The following SLC24A4 variants were observed in gnomAD, a reference collection of about 807,000 sequenced individuals.
The protein encoded by SLC24A4 is solute carrier family 24 member 4.
In SLC24A4, 53 loss-of-function variants were observed where a neutral mutation model predicts 79.0. That is an observed-to-expected ratio of 0.67 (90% CI 0.54 to 0.84). The LOEUF is 0.84. Ranked by LOEUF, SLC24A4 falls within the 40% of genes least tolerant of loss-of-function variation. The pLI is 0.00. For missense variants in SLC24A4, 731 were observed against 822.0 expected, an observed-to-expected ratio of 0.89 and a Z score of 1.35; for synonymous variants, 323 against 323.8, an observed-to-expected ratio of 1.00 and a Z score of 0.03.
At chr14:92,362,367 C>G (rs1887582651) in intron 2 of SLC24A4, among the ~76,000 whole-genome samples, 2 of 152,190 alleles carry the variant, frequency 1.3e-5, no homozygotes, top group Admixed American at 6.5e-5. Flanking sequence ...GCTGCTCCCT[C>G]TCTCACCCCG....
chr14:92,343,083 C>T (rs989075027), intron 2 of SLC24A4, among the ~76,000 whole-genome samples: 2 of 152,220 alleles, frequency 1.3e-5, no homozygotes, highest in African/African-American at 2.4e-5. Context: ...AGCCGCCTGT[C>T]CGAGACAGCT....
At chr14:92,476,438 T>G (rs1894768205) in intron 12 of SLC24A4, among the ~76,000 whole-genome samples, 1 of 149,138 alleles carries the variant, frequency 6.7e-6, no homozygotes, top group Admixed American at 6.9e-5. Flanking sequence ...TGGCTAATTA[T>G]TATAAGCAGC....
chr14:92,493,279 C>T (rs1416121071), intron 16 of SLC24A4, among the ~76,000 whole-genome samples, 197 bp from the exon 17 acceptor site: 4 of 152,156 alleles, frequency 2.6e-5, no homozygotes, highest in Admixed American at 1.3e-4. Context: ...GACAGAGACT[C>T]GCCCTTTCAT....
At chr14:92,324,852 TAGAA>T (rs1266526584) in intron 1 of SLC24A4, among the ~76,000 whole-genome samples, 10 of 152,314 alleles carry the variant, frequency 6.6e-5, no homozygotes, top group Middle Eastern at 3.4e-3. Flanking sequence ...CTTGAGCAGT[TAGAA>T]AGGCCGTCAA....
At chr14:92,423,720 C>T (rs1298531897) in intron 2 of SLC24A4, among the ~76,000 whole-genome samples, 2 of 152,168 alleles carry the variant, frequency 1.3e-5, no homozygotes, top group Non-Finnish European at 2.9e-5. Context: ...CAAAGTCAGG[C>T]AAGGGAGCCG....
chr14:92,486,507 G>A (rs1460245085), intron 13 of SLC24A4, among the ~76,000 whole-genome samples, 159 bp from the exon 14 acceptor site: 1 of 152,090 alleles, frequency 6.6e-6, no homozygotes. Flanking sequence ...AGTTCAGTGG[G>A]GGTTTTTTTT....
chr14:92,436,599 T>C (rs533925575), intron 3 of SLC24A4, among the ~76,000 whole-genome samples: 11 of 152,338 alleles, frequency 7.2e-5, no homozygotes, highest in African/African-American at 2.4e-4. Context: ...GACCTCTCGT[T>C]TTTTCTTTTT....
At chr14:92,412,020 T>G (rs192484386) in intron 2 of SLC24A4, among the ~76,000 whole-genome samples, 3 of 152,140 alleles carry the variant, frequency 2.0e-5, no homozygotes, top group Admixed American at 1.3e-4. Flanking sequence ...CGGGGCCCGC[T>G]GTGGGCATGG....
At chr14:92,349,371 G>A (rs1291170122) in intron 2 of SLC24A4, among the ~76,000 whole-genome samples, 2 of 152,196 alleles carry the variant, frequency 1.3e-5, no homozygotes, top group African/African-American at 4.8e-5. Context: ...TGTTCACCAG[G>A]CTGGTCTCAA....
At position 92,477,614 on chromosome 14, in the gene SLC24A4, C is replaced by T. The variant is rs573129434; in HGVS notation, c.1256-5066C>T. 4.6e-5 allele frequency among the ~76,000 whole-genome samples: 7 copies of T among 152,026 alleles called. No homozygotes were observed. The South Asian group carries it at 1.5e-3, about 32-fold the overall frequency. ...AGTTGAGACTAAAAGGCCACCATGCCCAGCTAGTTTTTGTATTTTTTGTAG... is the reference window on the plus strand; with the variant it reads ...AGTTGAGACTAAAAGGCCACCATGCTCAGCTAGTTTTTGTATTTTTTGTAG... On this transcript the variant is annotated intron_variant, in intron 12 of 16. Coordinates refer to ENST00000532405, the MANE Select transcript of SLC24A4 (RefSeq NM_153646.4).
At chr14:92,463,142 G>A (rs374051063) in intron 12 of SLC24A4, among the ~76,000 whole-genome samples, 99 of 152,222 alleles carry the variant, frequency 6.5e-4, no homozygotes, top group African/African-American at 2.0e-3. Flanking sequence ...AGCAAAACCC[G>A]GAACAGGCAA....
chr14:92,412,509 G>A (rs1020286539), intron 2 of SLC24A4, among the ~76,000 whole-genome samples: 16 of 152,094 alleles, frequency 1.1e-4, no homozygotes, highest in Non-Finnish European at 1.6e-4. Flanking sequence ...TTGGTGGGAC[G>A]CTTCTGTCCT....
intron 16 of SLC24A4, chr14:92,492,918 G>A (rs1171140656): frequency 8.8e-6 from 4 of 452,316 alleles, no homozygotes; most frequent in African/African-American, 6.2e-5. Context: ...AAGGATCAGG[G>A]AGGAATGTAA....
intron 2 of SLC24A4, among the ~76,000 whole-genome samples, chr14:92,384,919 G>C (rs1332036435): frequency 6.6e-6 from 1 of 152,174 alleles, no homozygotes; most frequent in East Asian, 1.9e-4. Flanking sequence ...GCTCACACTA[G>C]CTGTGTGATT....
At position 92,498,500 on chromosome 14, in the gene SLC24A4, C is replaced by CTT. The variant is rs34611498; in HGVS notation, c.*4887_*4888dup. On this transcript the variant is annotated 3_prime_UTR_variant, in exon 17 of 17. Transcript: ENST00000532405. ...CCACAGGGTACAGGTTTTAAAAAGG[C>CTT]TTTTTTTTTTTTTTTTGAGACAGGG... 199 of 139,342 alleles carry CTT rather than the reference C, an allele frequency of 1.4e-3. No homozygotes were observed. Among genetic ancestry groups the CTT allele is most frequent in the South Asian group, 3.7e-3 (16 of 4,306 alleles). The allele number at this position is 139,342 out of a possible 1,614,324, so 8.6% of individuals were successfully genotyped here.
chr14:92,449,526 T>G (rs555527219), intron 10 of SLC24A4, among the ~76,000 whole-genome samples: 110 of 152,296 alleles, frequency 7.2e-4, no homozygotes, highest in African/African-American at 2.6e-3. Flanking sequence ...TAAGGCCTGC[T>G]TGGCTCTTCA....
At chr14:92,420,819 CG>C (rs33925727) in intron 2 of SLC24A4, among the ~76,000 whole-genome samples, 62,360 of 151,618 alleles carry the variant, frequency 0.41, 13,103 homozygotes, top group Non-Finnish European at 0.44. Context: ...CATTTTTTCA[CG>C]GGGGGGGCCT....
intron 2 of SLC24A4, among the ~76,000 whole-genome samples, chr14:92,387,293 C>T (rs1485782125): frequency 6.6e-6 from 1 of 152,024 alleles, no homozygotes; most frequent in Non-Finnish European, 1.5e-5. Flanking sequence ...TCTCCTGCCT[C>T]AGCCTCCCAA....
At chr14:92,393,309 T>A (rs1889588056) in intron 2 of SLC24A4, among the ~76,000 whole-genome samples, 1 of 152,192 alleles carries the variant, frequency 6.6e-6, no homozygotes, top group Non-Finnish European at 1.5e-5. Flanking sequence ...TTTCCTTCAT[T>A]TGTAGAATCC....
Sources: gnomAD v4.1 joint callset for allele counts (sites outside exome capture counted in the v4.1 genomes callset) on GRCh38, gnomAD v4.1.1 for gene constraint, MANE v1.5 for transcripts, NCBI Gene and HGNC (gene_info 2026-07-23, HGNC 2026-07-21) for gene names.